WDFY4: variants seen among roughly 807,000 people sequenced by gnomAD.
WDFY4 encodes the protein WD repeat- and FYVE domain-containing protein 4.
In WDFY4, 169 loss-of-function variants were observed where a neutral mutation model predicts 351.9. The ratio of observed to expected loss-of-function variants is 0.48; its 90% confidence interval spans 0.42 to 0.55. The LOEUF is 0.55. WDFY4 is among the 20% of genes least tolerant of loss of function. The pLI, the probability that WDFY4 is intolerant of heterozygous loss-of-function variation, is 0.00. For synonymous variants in WDFY4, 1,622 were observed against 1,574.6 expected, an observed-to-expected ratio of 1.03 and a Z score of -0.71; for missense variants, 3,803 against 3,935.6, an observed-to-expected ratio of 0.97 and a Z score of 0.90.
At chr10:48,862,897 C>T (rs1197732999) in intron 39 of WDFY4, among the ~76,000 whole-genome samples, 2 of 152,224 alleles carry the variant, frequency 1.3e-5, no homozygotes, top group Non-Finnish European at 2.9e-5. Flanking sequence ...TAGTCCTAAG[C>T]AATCACTAAT....
intron 39 of WDFY4, among the ~76,000 whole-genome samples, chr10:48,837,695 A>G (rs1267578893): frequency 3.3e-5 from 5 of 152,078 alleles, no homozygotes; most frequent in African/African-American, 7.2e-5. Flanking sequence ...TTCCACAGAG[A>G]GTGGAGAAAA....
Position 48,773,447 on chromosome 10 carries a change from T to C in WDFY4, c.2554-1011T>C, listed in dbSNP as rs527749974. Among the ~76,000 whole-genome samples, 9 of 152,336 alleles carry C rather than the reference T, an allele frequency of 5.9e-5. No individual in the cohort carries two copies. In the East Asian group the frequency reaches 1.7e-3, roughly 29 times the overall value. Reference sequence around the variant, plus strand: ...AACATCCCACCCAATCCAAACCCTTTATCCAGCCTGGGAAGGATAATTCCA... The same window carrying C: ...AACATCCCACCCAATCCAAACCCTTCATCCAGCCTGGGAAGGATAATTCCA... On this transcript the variant is annotated intron_variant, in intron 13 of 61. Transcript: ENST00000325239.
intron 1 of WDFY4, among the ~76,000 whole-genome samples, chr10:48,698,136 T>G (rs765628291): frequency 6.6e-6 from 1 of 152,212 alleles, no homozygotes; most frequent in Non-Finnish European, 1.5e-5. Context: ...AGCACATTTT[T>G]TCAGACGAGG....
intron 39 of WDFY4, among the ~76,000 whole-genome samples, chr10:48,855,326 C>T (rs561221288): frequency 3.9e-5 from 6 of 152,288 alleles, no homozygotes; most frequent in Non-Finnish European, 8.8e-5. Flanking sequence ...CTATCACCTT[C>T]TTCCCCCAAA....
intron 23 of WDFY4, among the ~76,000 whole-genome samples, chr10:48,793,081 A>T (rs2066736446): frequency 6.6e-6 from 1 of 152,220 alleles, no homozygotes; most frequent in Non-Finnish European, 1.5e-5. Context: ...GATGGTAGAG[A>T]CAAGGAGTGG....
At chr10:48,697,970 G>A (rs184912843) in intron 1 of WDFY4, among the ~76,000 whole-genome samples, 2 of 152,074 alleles carry the variant, frequency 1.3e-5, no homozygotes, top group Admixed American at 6.6e-5. Context: ...CCATCCCCAC[G>A]GGTGCGCCTG....
At chr10:48,702,237 A>G (rs1442808737) in intron 1 of WDFY4, among the ~76,000 whole-genome samples, 1 of 152,078 alleles carries the variant, frequency 6.6e-6, no homozygotes, top group Non-Finnish European at 1.5e-5. Flanking sequence ...GGCTGCTGAA[A>G]AGAGCCTCAG....
At chr10:48,799,063 GTC>G (rs2066969501) in intron 24 of WDFY4, among the ~76,000 whole-genome samples, 1 of 152,194 alleles carries the variant, frequency 6.6e-6, no homozygotes, top group South Asian at 2.1e-4. Context: ...TGCTCAGCCA[GTC>G]TGGCTCCAAG....
At chr10:48,909,035 G>A (rs968958183) in intron 47 of WDFY4, among the ~76,000 whole-genome samples, 3 of 6,268 alleles carry the variant, frequency 4.8e-4, no homozygotes, top group Non-Finnish European at 2.0e-3. Context: ...TTTTGGAGAT[G>A]GGCATTTTTT....
chr10:48,897,667 G>C, intron 45 of WDFY4, 93 bp downstream of exon 45: 2 of 1,489,284 alleles, frequency 1.3e-6, no homozygotes, highest in Non-Finnish European at 1.8e-6. Flanking sequence ...ACACCTCTGT[G>C]ACTCTTCTTT....
Position 48,857,339 on chromosome 10 carries a change from C to CTT in WDFY4, c.6664-9918_6664-9917dup, listed in dbSNP as rs72042110. 2.8e-4 allele frequency among the ~76,000 whole-genome samples: 42 copies of CTT among 150,762 alleles called. No homozygotes were observed. In the East Asian group the frequency reaches 3.1e-3, roughly 11 times the overall value. On this transcript the variant is annotated intron_variant, in intron 39 of 61. Transcript: ENST00000325239. ...CAAAGATATTCTTAAGTGAAAATAG[C>CTT]TTTTTTTTTCCTCCTATAAGCTCTT...
intron 47 of WDFY4, among the ~76,000 whole-genome samples, chr10:48,922,000 AC>A (rs1461388365): frequency 6.6e-6 from 1 of 152,192 alleles, no homozygotes; most frequent in Non-Finnish European, 1.5e-5. Context: ...CCATGTTCAT[AC>A]TGAAACCTGT....
chr10:48,975,342 T>C (rs565029953), intron 58 of WDFY4, among the ~76,000 whole-genome samples: 31 of 152,358 alleles, frequency 2.0e-4, no homozygotes, highest in Admixed American at 9.1e-4. Context: ...TGGATGTGGC[T>C]GACTCATTTA....
chr10:48,737,400 A>G (rs2064706969), intron 11 of WDFY4, among the ~76,000 whole-genome samples: 1 of 152,234 alleles, frequency 6.6e-6, no homozygotes, highest in African/African-American at 2.4e-5. Context: ...AATTAGGTCA[A>G]TCATCAACCT....
At chr10:48,972,794 C>T (rs146657545) in intron 57 of WDFY4, among the ~76,000 whole-genome samples, 3 of 152,254 alleles carry the variant, frequency 2.0e-5, no homozygotes, top group Non-Finnish European at 4.4e-5. Context: ...TCAAGAGCAC[C>T]CGTTTCATGG....
intron 38 of WDFY4, 37 bp from the exon 39 acceptor site, chr10:48,832,536 A>G: frequency 6.6e-7 from 1 of 1,505,864 alleles, no homozygotes; most frequent in Admixed American, 2.1e-5. Context: ...GTGTGCTCTC[A>G]CTTCACCTCT....
In WDFY4 at chr10:48,826,704, G is replaced by C. The variant is rs1386302685; in HGVS notation, c.6016G>C (p.Val2006Leu). Reference sequence around the variant, plus strand: ...GACTGCCTCTTCTCAAAGGGACACTGTCCTCAGCACTTTATACAGCAGTTT... The same window carrying C: ...GACTGCCTCTTCTCAAAGGGACACTCTCCTCAGCACTTTATACAGCAGTTT... ...IETASSQRDT[V>L]LSTLYSSLNK... The change falls in exon 36 of 62, where the codon GTC becomes CTC. Residue 2006 changes from valine (V) to leucine (L), a missense_variant. Transcript: ENST00000325239. The C allele has an allele frequency of 4.5e-6, 7 of 1,551,532 alleles. No homozygotes were observed. The African/African-American group carries it at 9.6e-5, about 21-fold the overall frequency.
At chr10:48,692,602 GAAT>G (rs1438165165) in intron 1 of WDFY4, among the ~76,000 whole-genome samples, 1 of 152,214 alleles carries the variant, frequency 6.6e-6, no homozygotes, top group Admixed American at 6.5e-5. Context: ...GCGTATTCAT[GAAT>G]AACAATGACA....
At chr10:48,909,566 G>A (rs896084434) in intron 47 of WDFY4, 2 of 152,198 alleles carry the variant, frequency 1.3e-5, no homozygotes, top group South Asian at 2.1e-4. Context: ...AGGGCTTTGG[G>A]GTATAGGTGC....
Sources: gnomAD v4.1 joint callset for allele counts (sites outside exome capture counted in the v4.1 genomes callset) on GRCh38, gnomAD v4.1.1 for gene constraint, MANE v1.5 for transcripts, NCBI Gene and HGNC (gene_info 2026-07-23, HGNC 2026-07-21) for gene names.